The following ST6GALNAC5 variants were observed in gnomAD, a reference collection of about 807,000 sequenced individuals.
The protein encoded by ST6GALNAC5 is ST6 N-acetylgalactosaminide alpha-2,6-sialyltransferase 5.
A neutral mutation model predicts 33.6 loss-of-function variants in ST6GALNAC5; 27 were observed. The ratio of observed to expected loss-of-function variants is 0.80; its 90% CI spans 0.59 to 1.11. The LOEUF is 1.11. Among genes scored for constraint, ST6GALNAC5 ranks in the 50% least tolerant of loss-of-function variants. The pLI is 0.00. For synonymous variants in ST6GALNAC5, 194 were observed against 171.2 expected (o/e 1.13, Z -1.04); for missense variants, 428 against 454.0 (o/e 0.94, Z 0.52).
chr1:76,967,397 A>C lies in ST6GALNAC5; in HGVS notation c.262-76807A>C, dbSNP rs181595101. 2.3e-3 allele frequency among the ~76,000 whole-genome samples: 345 copies of C among 152,274 alleles called. 2 individuals carry two copies. Among genetic ancestry groups the C allele is most frequent in the African/African-American group, 7.9e-3 (327 of 41,554 alleles). ...AGTTTATTTGCATAGAGGTGTTCAT[A>C]GTATTCTTTGTATTTCTGCGGGATC... On this transcript the variant is annotated intron_variant, in intron 2 of 4. Coordinates refer to ENST00000477717, the MANE Select transcript of ST6GALNAC5 (RefSeq NM_030965.3).
At chr1:77,031,938 G>A (rs893478082) in intron 2 of ST6GALNAC5, among the ~76,000 whole-genome samples, 3 of 152,158 alleles carry the variant, frequency 2.0e-5, no homozygotes, top group Non-Finnish European at 1.5e-5. Flanking sequence ...GGAGAAACAG[G>A]GTGCTTCAGT....
chr1:76,878,960 C>CACCTCAGGATCCAGTT (rs1302122345), intron 2 of ST6GALNAC5, among the ~76,000 whole-genome samples: 1 of 152,106 alleles, frequency 6.6e-6, no homozygotes, highest in Non-Finnish European at 1.5e-5. Flanking sequence ...CATCACTTGG[C>CACCTCAGGATCCAGTT]CCCTGCCACC....
chr1:77,049,136 T>A (rs550859037), intron 3 of ST6GALNAC5, among the ~76,000 whole-genome samples: 1 of 152,218 alleles, frequency 6.6e-6, no homozygotes, highest in East Asian at 1.9e-4. Flanking sequence ...AAAAATGTCC[T>A]CTCTCTATTT....
At chr1:76,941,851 G>C (rs919978812) in intron 2 of ST6GALNAC5, among the ~76,000 whole-genome samples, 2 of 152,082 alleles carry the variant, frequency 1.3e-5, no homozygotes. Flanking sequence ...TAAGCCACCA[G>C]GTATGTGGCA....
In ST6GALNAC5 at chr1:76,893,524, G is replaced by A. The variant is rs952090984; in HGVS notation, c.261+24782G>A. Among the ~76,000 whole-genome samples, 7 of 152,122 alleles carry A rather than the reference G, an allele frequency of 4.6e-5. No homozygotes were observed. The East Asian group carries it at 5.8e-4, about 13-fold the overall frequency. On this transcript the variant is annotated intron_variant, in intron 2 of 4. Coordinates refer to ENST00000477717, the MANE Select transcript of ST6GALNAC5 (RefSeq NM_030965.3). ...TAATGTGTAAGGAGTAACTATCCAC[G>A]TCATTGGAATTATTAGGAGGATTTA...
chr1:76,998,496 C>G (rs1331413018), intron 2 of ST6GALNAC5, among the ~76,000 whole-genome samples: 1 of 152,084 alleles, frequency 6.6e-6, no homozygotes, highest in Non-Finnish European at 1.5e-5. Context: ...AAAATGTATT[C>G]TTATTTCATA....
Position 76,999,485 on chromosome 1 carries a change from GT to G in ST6GALNAC5, c.262-44707del, listed in dbSNP as rs1422364823. Among the ~76,000 whole-genome samples, 401 of 138,716 alleles carry G rather than the reference GT, an allele frequency of 2.9e-3. 3 individuals are homozygous for G. Among genetic ancestry groups the G allele is most frequent in the Middle Eastern group, 0.011 (3 of 274 alleles). The allele number at this position is 138,716 out of a possible 152,430, so 91.0% of individuals were successfully genotyped here. A position where few individuals can be genotyped will look rare whatever the true frequency, so the allele number is the denominator to read the frequency against. On this transcript the variant is annotated intron_variant, in intron 2 of 4. Coordinates refer to ENST00000477717, the MANE Select transcript of ST6GALNAC5 (RefSeq NM_030965.3). ...TCCAGAAATGTGCAGGTTTGGGTTT[GT>G]TTTTTTTTTTTCAATTATTATACTT... is the stretch of plus-strand genomic sequence containing the variant.
chr1:76,874,659 C>A (rs1570628073), intron 2 of ST6GALNAC5, among the ~76,000 whole-genome samples: 1 of 152,258 alleles, frequency 6.6e-6, no homozygotes, highest in African/African-American at 2.4e-5. Flanking sequence ...TTTATATTCG[C>A]TGGAAGCTGA....
intron 2 of ST6GALNAC5, among the ~76,000 whole-genome samples, chr1:77,033,392 A>G (rs1200050849): frequency 1.3e-5 from 2 of 152,224 alleles, no homozygotes; most frequent in African/African-American, 2.4e-5. Flanking sequence ...AAAAGTTTAA[A>G]TCATTAAAGA....
rs191140335 is a variant in ST6GALNAC5, at chr1:76,983,721, C to T, written c.262-60483C>T. ...AACAGGATATACATTCTTCTCAGCA[C>T]CACGTCGCACTTATTCCAAAATTGA... On this transcript the variant is annotated intron_variant, in intron 2 of 4. Coordinates refer to ENST00000477717, the MANE Select transcript of ST6GALNAC5 (RefSeq NM_030965.3). Among the ~76,000 whole-genome samples, 3 of 152,298 alleles carry T rather than the reference C, an allele frequency of 2.0e-5. 1 individual carries two copies. The highest frequency in any genetic ancestry group is 1.3e-4 in the Admixed American group (2 of 15,290).
chr1:76,948,009 T>C (rs189399672), intron 2 of ST6GALNAC5, among the ~76,000 whole-genome samples: 1 of 152,210 alleles, frequency 6.6e-6, no homozygotes, highest in East Asian at 1.9e-4. Context: ...GTAGGCTATG[T>C]TTCAGTAACA....
chr1:77,043,846 C>T (rs931086542), intron 2 of ST6GALNAC5, among the ~76,000 whole-genome samples: 6 of 152,164 alleles, frequency 3.9e-5, no homozygotes, highest in Non-Finnish European at 8.8e-5. Context: ...TAAAGGGCAA[C>T]TTTGGACAAA....
chr1:77,018,811 G>T (rs903202846), intron 2 of ST6GALNAC5, among the ~76,000 whole-genome samples: 2 of 152,208 alleles, frequency 1.3e-5, no homozygotes, highest in Admixed American at 1.3e-4. Flanking sequence ...GGTGATTATT[G>T]TTATTAGTCC....
chr1:77,001,113 C>G, intron 2 of ST6GALNAC5, among the ~76,000 whole-genome samples: 1 of 151,734 alleles, frequency 6.6e-6, no homozygotes, highest in East Asian at 1.9e-4. Flanking sequence ...ATTGATTCTT[C>G]CTACCCATGA....
Position 76,908,403 on chromosome 1 carries a change from G to A in ST6GALNAC5, c.261+39661G>A, listed in dbSNP as rs535029859. Among the ~76,000 whole-genome samples the A allele has an allele frequency of 3.9e-5, 6 of 152,142 alleles. No homozygotes were observed. The South Asian group carries it at 1.0e-3, about 26-fold the overall frequency. On this transcript the variant is annotated intron_variant, in intron 2 of 4. Coordinates refer to ENST00000477717, the MANE Select transcript of ST6GALNAC5 (RefSeq NM_030965.3). ...TCATAAGGGTACTAATCCCATTCAC[G>A]AGGACTCTGCCATTACAACCCAATC...
intron 2 of ST6GALNAC5, among the ~76,000 whole-genome samples, chr1:76,983,996 G>T (rs369291303): frequency 6.6e-6 from 1 of 152,280 alleles, no homozygotes; most frequent in East Asian, 1.9e-4. Context: ...AGAATCTCTG[G>T]GACACATTTA....
intron 2 of ST6GALNAC5, among the ~76,000 whole-genome samples, chr1:76,944,265 GT>G (rs773684297): frequency 1.3e-5 from 2 of 152,020 alleles, no homozygotes; most frequent in Non-Finnish European, 2.9e-5. Context: ...AGAATAGATG[GT>G]TATTATACCA....
chr1:76,881,440 T>G (rs1009758359), intron 2 of ST6GALNAC5, among the ~76,000 whole-genome samples: 5 of 152,238 alleles, frequency 3.3e-5, no homozygotes, highest in Non-Finnish European at 7.3e-5. Context: ...AGGTTTGATC[T>G]GAGCTGTATG....
chr1:76,982,006 G>A (rs544613166), intron 2 of ST6GALNAC5, among the ~76,000 whole-genome samples: 1 of 152,224 alleles, frequency 6.6e-6, no homozygotes, highest in South Asian at 2.1e-4. Context: ...CCCATCCATA[G>A]GTAACCAACA....
Sources: allele counts gnomAD v4.1 joint callset (sites outside exome capture counted in the v4.1 genomes callset), GRCh38; gene constraint gnomAD v4.1.1; transcripts MANE v1.5; gene names NCBI Gene and HGNC (gene_info 2026-07-23, HGNC 2026-07-21).